Variants in TENM1 observed in about 807,000 individuals in gnomAD.
The protein encoded by TENM1 is teneurin-1.
A neutral mutation model predicts 174.8 loss-of-function variants in TENM1; 35 were observed. That is an observed-to-expected ratio of 0.20 (90% CI 0.15 to 0.27). The LOEUF is 0.27. Among genes scored for constraint, TENM1 ranks in the 10% least tolerant of loss-of-function variants. TENM1 has a pLI of 1.00. For synonymous variants in TENM1, 781 were observed against 798.7 expected (o/e 0.98, Z 0.37); for missense variants, 1,633 against 2,130.1 (o/e 0.77, Z 4.59).
exon 10 of TENM1, chrX:124,645,309 A>T: frequency 8.3e-7 from 1 of 1,211,409 alleles, no homozygotes; most frequent in Non-Finnish European, 1.1e-6. Context: ...CGTATTCTCC[A>T]TTCCCACCAC....
intron 20 of TENM1, among the ~76,000 whole-genome samples, chrX:124,493,332 T>C (rs1415949560): frequency 9.0e-6 from 1 of 111,554 alleles, no homozygotes; most frequent in South Asian, 3.7e-4. Context: ...TAAATGACAA[T>C]TGCTCCACTT....
chrX:124,981,226 T>C, the TENM1 span, among the ~76,000 whole-genome samples: 21 of 111,542 alleles, frequency 1.9e-4, no homozygotes, highest in East Asian at 5.7e-4. Context: ...AGCAAGGCAA[T>C]AGCAGACCTT....
chrX:124,842,200 C>T (rs571817256), intron 3 of TENM1, among the ~76,000 whole-genome samples: 1 of 111,416 alleles, frequency 9.0e-6, no homozygotes. Context: ...TGGCCCAATA[C>T]CTAGTGTACC....
chrX:124,401,278 C>A (rs1421223428), intron 27 of TENM1, among the ~76,000 whole-genome samples: 1 of 111,765 alleles, frequency 8.9e-6, no homozygotes, highest in Non-Finnish European at 1.9e-5. Flanking sequence ...TTTAAATGAA[C>A]CTGTCATTTT....
At chrX:125,159,164 T>G in the TENM1 span, among the ~76,000 whole-genome samples, 2 of 111,676 alleles carry the variant, frequency 1.8e-5, no homozygotes, top group Non-Finnish European at 3.8e-5. Context: ...GCTCTATGGG[T>G]GTATGATTGC....
the TENM1 span, among the ~76,000 whole-genome samples, chrX:125,044,254 T>C: frequency 2.2e-5 from 2 of 90,584 alleles, no homozygotes; most frequent in African/African-American, 7.7e-5. Flanking sequence ...AATTATAAAA[T>C]CATCACATTC....
chrX:125,148,647 A>G, the TENM1 span, among the ~76,000 whole-genome samples: 2 of 111,592 alleles, frequency 1.8e-5, no homozygotes, highest in Admixed American at 1.9e-4. Flanking sequence ...CAGTAATCTT[A>G]CAACAAACAC....
At chrX:124,378,684 G>C (rs941668863) in exon 32 of TENM1, 4 of 112,196 alleles carry the variant, frequency 3.6e-5, no homozygotes, top group Non-Finnish European at 7.5e-5. Context: ...CGAAGGTTTT[G>C]AAAATGAAAT....
At chrX:124,832,913 T>C (rs2056319873) in intron 3 of TENM1, among the ~76,000 whole-genome samples, 1 of 112,150 alleles carries the variant, frequency 8.9e-6, no homozygotes, top group Non-Finnish European at 1.9e-5. Flanking sequence ...ATAGTAAGTA[T>C]GCAATAAACC....
chrX:124,914,940 TTC>T (rs2057897387), intron 1 of TENM1, among the ~76,000 whole-genome samples: 1 of 111,994 alleles, frequency 8.9e-6, no homozygotes, highest in South Asian at 3.8e-4. Context: ...CCCTGTCTAC[TTC>T]TCTGGCCACT....
At position 124,404,984 on chromosome X, in the gene TENM1, CA is replaced by C. The variant is rs768088426; in HGVS notation, c.5391+46del. 1.6e-5 allele frequency: 17 copies of C among 1,091,105 alleles called. No homozygotes were observed. In the East Asian group the frequency reaches 3.6e-4, roughly 23 times the overall value. 89.9% of individuals were successfully genotyped at this position (1,091,105 alleles called of 1,213,427 possible). ...ACAAACAAACAAACAAACAAACAAA[CA>C]AAACACCTATAAAAGTTCTATATCT... On this transcript the variant is annotated intron_variant, in intron 27 of 31. Transcript: ENST00000422452.
At chrX:125,136,944 T>C in the TENM1 span, among the ~76,000 whole-genome samples, 1 of 110,983 alleles carries the variant, frequency 9.0e-6, no homozygotes, top group East Asian at 2.8e-4. Flanking sequence ...AAGAAATGAG[T>C]GTAGACCACG....
Position 124,662,540 on chromosome X carries a change from A to T in TENM1, c.1169-8757T>A, listed in dbSNP as rs367861629. On this transcript the variant is annotated intron_variant, in intron 6 of 31. Transcript: ENST00000422452. ...ACATGACCCAACTGCCCTTTTGTCA[A>T]ATTATCATACTGTTTATCTCCTTCC... Among the ~76,000 whole-genome samples the T allele has an allele frequency of 2.7e-5, 3 of 109,646 alleles. No individual in the cohort carries two copies. The East Asian group carries it at 8.5e-4, about 31-fold the overall frequency.
chrX:125,054,593 A>C, the TENM1 span, among the ~76,000 whole-genome samples: 1 of 111,739 alleles, frequency 8.9e-6, no homozygotes, highest in African/African-American at 3.2e-5. Context: ...AAATGACTGA[A>C]TATTTCACCA....
At chrX:124,971,707 C>T in the TENM1 span, among the ~76,000 whole-genome samples, 1 of 111,878 alleles carries the variant, frequency 8.9e-6, no homozygotes, top group Non-Finnish European at 1.9e-5. Flanking sequence ...ATTTACACTG[C>T]CATTAGCAAT....
the TENM1 span, among the ~76,000 whole-genome samples, chrX:124,973,086 T>TGTAA: frequency 8.9e-6 from 1 of 111,961 alleles, no homozygotes; most frequent in African/African-American, 3.2e-5. Context: ...TTGTATAAGG[T>TGTAA]GTAAGGAAGG....
At chrX:124,525,240 A>G (rs1212818943) in intron 16 of TENM1, among the ~76,000 whole-genome samples, 3 of 112,569 alleles carry the variant, frequency 2.7e-5, no homozygotes, top group Admixed American at 1.9e-4. Context: ...GCAGTTTCCA[A>G]AAAGAGGATT....
chrX:124,640,182 T>C (rs1185177890), intron 11 of TENM1, among the ~76,000 whole-genome samples: 2 of 111,601 alleles, frequency 1.8e-5, no homozygotes, highest in East Asian at 5.6e-4. Flanking sequence ...ATTTTCATTT[T>C]CGTTATTATT....
intron 3 of TENM1, among the ~76,000 whole-genome samples, chrX:124,802,355 G>T (rs761040275): frequency 2.7e-5 from 3 of 111,484 alleles, no homozygotes; most frequent in Admixed American, 9.5e-5. Flanking sequence ...TCAATGGTCA[G>T]GTCCCTCTTC....
Sources: allele counts gnomAD v4.1 joint callset (sites outside exome capture counted in the v4.1 genomes callset), GRCh38; gene constraint gnomAD v4.1.1; transcripts MANE v1.5; gene names NCBI Gene and HGNC (gene_info 2026-07-23, HGNC 2026-07-21).